PCDHA5: variants seen among roughly 807,000 people sequenced by gnomAD.
PCDHA5 encodes the protein protocadherin alpha 5, also known as protocadherin alpha-5.
In PCDHA5, 43 loss-of-function variants were observed where a neutral mutation model predicts 61.6. The ratio of observed to expected loss-of-function variants is 0.70; its 90% confidence interval spans 0.55 to 0.90. The LOEUF (loss-of-function observed/expected upper bound fraction) is 0.90. PCDHA5 is among the 40% of genes least tolerant of loss of function. The pLI is 0.00. For synonymous variants in PCDHA5, 627 were observed against 543.9 expected (o/e 1.15, Z -2.13); for missense variants, 1,298 against 1,222.7 (o/e 1.06, Z -0.92).
intron 1 of PCDHA5, chr5:140,829,715 G>T (rs553935345): frequency 6.2e-7 from 1 of 1,613,468 alleles, no homozygotes; most frequent in Admixed American, 1.7e-5. Flanking sequence ...CGACGCGGGC[G>T]TGCCGCCTCT....
intron 1 of PCDHA5, among the ~76,000 whole-genome samples, chr5:140,954,472 G>T (rs1031225118): frequency 8.5e-5 from 13 of 152,182 alleles, no homozygotes; most frequent in Admixed American, 6.5e-5. Context: ...TCTGACTGGT[G>T]TGAGAAGATA....
Position 140,882,079 on chromosome 5 carries a change from G to A in PCDHA5, c.2352+57952G>A. ...CTTACACGTTCATGCGCATGGTGTC[G>A]CTCTTCACTGAGAACGTTTCCGCGA... On this transcript the variant is annotated intron_variant, in intron 1 of 3. Transcript: ENST00000529859. The A allele has an allele frequency of 3.1e-6, 3 of 952,852 alleles. No homozygotes were observed. In the East Asian group the frequency reaches 7.8e-5, roughly 25 times the overall value. 59.0% of individuals were successfully genotyped at this position (952,852 alleles called of 1,614,324 possible). A position where few individuals can be genotyped will look rare whatever the true frequency, so the allele number is the denominator to read the frequency against.
chr5:140,927,896 A>G (rs571131956), intron 1 of PCDHA5: 1 of 1,614,200 alleles, frequency 6.2e-7, no homozygotes, highest in African/African-American at 1.3e-5. Context: ...GACGTGAACG[A>G]TCATGCCCCC....
At chr5:140,836,310 C>T in intron 1 of PCDHA5, 1 of 1,613,714 alleles carries the variant, frequency 6.2e-7, no homozygotes. Context: ...GACGGACGCA[C>T]CGCGCCACCG....
At chr5:140,952,449 G>C (rs549255236) in intron 1 of PCDHA5, among the ~76,000 whole-genome samples, 1 of 152,242 alleles carries the variant, frequency 6.6e-6, no homozygotes. Context: ...AATACAGCCA[G>C]GCTCTTTGCT....
At chr5:140,916,755 G>C (rs781862005) in intron 1 of PCDHA5, among the ~76,000 whole-genome samples, 15 of 152,208 alleles carry the variant, frequency 9.9e-5, no homozygotes, top group Admixed American at 2.0e-4. Flanking sequence ...CTGGGATTAG[G>C]GGAGGGGTGG....
At chr5:140,958,145 A>G (rs1044763099) in intron 1 of PCDHA5, among the ~76,000 whole-genome samples, 4 of 152,156 alleles carry the variant, frequency 2.6e-5, no homozygotes, top group African/African-American at 4.8e-5. Context: ...GTATATTTAT[A>G]TAGCATAGTC....
chr5:140,941,191 T>TTTTTTTCTTTC (rs1554213809), intron 1 of PCDHA5, among the ~76,000 whole-genome samples: 6 of 93,206 alleles, frequency 6.4e-5, no homozygotes, highest in Admixed American at 2.5e-4. Context: ...GCTTCTTTTT[T>TTTTTTTCTTTC]TTTCTTTCTT....
chr5:140,824,173 A>G, intron 1 of PCDHA5, 46 bp downstream of exon 1: 2 of 1,610,342 alleles, frequency 1.2e-6, no homozygotes, highest in Non-Finnish European at 1.7e-6. Flanking sequence ...CCAATTTTCA[A>G]ATATTAAATG....
intron 1 of PCDHA5, among the ~76,000 whole-genome samples, chr5:140,827,788 C>A (rs781936968): frequency 6.6e-6 from 1 of 152,100 alleles, no homozygotes; most frequent in African/African-American, 2.4e-5. Context: ...TAACACTGAC[C>A]GTGCAAATTA....
At chr5:140,874,008 T>C (rs2054633118) in intron 1 of PCDHA5, among the ~76,000 whole-genome samples, 5 of 152,208 alleles carry the variant, frequency 3.3e-5, no homozygotes. Context: ...CATTGACCAC[T>C]TTTGAAAATG....
At chr5:140,895,677 G>T (rs1554186594) in intron 1 of PCDHA5, among the ~76,000 whole-genome samples, 2 of 151,984 alleles carry the variant, frequency 1.3e-5, no homozygotes, top group African/African-American at 4.8e-5. Flanking sequence ...GTAGTATTTG[G>T]TTTTCTGTTT....
intron 1 of PCDHA5, chr5:140,848,627 C>A (rs2150415435): frequency 6.3e-7 from 1 of 1,593,432 alleles, no homozygotes; most frequent in Non-Finnish European, 8.6e-7. Context: ...ACGGCACCTT[C>A]GTGGGCCGCA....
chr5:140,863,382 C>A, intron 1 of PCDHA5: 1 of 1,056,944 alleles, frequency 9.5e-7, no homozygotes. Context: ...TCACCGAGAG[C>A]TCGTGCATGC....
intron 1 of PCDHA5, chr5:140,829,406 G>A: frequency 1.2e-6 from 2 of 1,614,116 alleles, no homozygotes; most frequent in South Asian, 1.1e-5. Flanking sequence ...GTGGGCCACC[G>A]CCAGCTTGTC....
intron 1 of PCDHA5, among the ~76,000 whole-genome samples, chr5:140,952,079 C>A (rs2094682960): frequency 6.6e-6 from 1 of 152,162 alleles, no homozygotes; most frequent in South Asian, 2.1e-4. Flanking sequence ...TTCATTGACT[C>A]CATGTCTCAC....
chr5:140,943,571 G>A (rs1164273913), intron 1 of PCDHA5, among the ~76,000 whole-genome samples: 4 of 152,152 alleles, frequency 2.6e-5, no homozygotes, highest in Admixed American at 2.6e-4. Context: ...ATTTTAATTT[G>A]TTGATCTGAG....
At chr5:140,935,639 T>A (rs1377571192) in intron 1 of PCDHA5, among the ~76,000 whole-genome samples, 2 of 152,192 alleles carry the variant, frequency 1.3e-5, no homozygotes, top group African/African-American at 4.8e-5. Context: ...AGGGCTTGCT[T>A]TTTAAATTTT....
At chr5:140,930,169 A>G (rs1312219690) in intron 1 of PCDHA5, 1 of 152,184 alleles carries the variant, frequency 6.6e-6, no homozygotes, top group Non-Finnish European at 1.5e-5. Context: ...AATATTTTAC[A>G]AAGAGGAAAG....
Sources: gnomAD v4.1 joint callset for allele counts (sites outside exome capture counted in the v4.1 genomes callset) on GRCh38, gnomAD v4.1.1 for gene constraint, MANE v1.5 for transcripts, NCBI Gene and HGNC (gene_info 2026-07-23, HGNC 2026-07-21) for gene names.